LRCH1: variants seen among roughly 807,000 people sequenced by gnomAD.
The protein encoded by LRCH1 is leucine rich repeats and calponin homology domain containing 1, also known as leucine-rich repeat and calponin homology domain-containing protein 1.
Under a neutral mutation model 94.9 loss-of-function variants are expected in LRCH1, and 23 were observed. The ratio of observed to expected loss-of-function variants is 0.24; its 90% CI spans 0.17 to 0.34. The LOEUF is 0.34. Ranked by LOEUF, LRCH1 falls within the 10% of genes least tolerant of loss-of-function variation. The pLI is 1.00. For missense variants in LRCH1, 790 were observed against 945.9 expected (o/e 0.84, Z 2.16); for synonymous variants, 364 against 354.9 (o/e 1.03, Z -0.29).
intron 1 of LRCH1, among the ~76,000 whole-genome samples, chr13:46,595,248 G>C (rs960299492): frequency 3.3e-5 from 5 of 152,062 alleles, no homozygotes; most frequent in African/African-American, 1.2e-4. Context: ...TGAACTTAGA[G>C]GATGCATAGG....
At chr13:46,580,683 GATTA>G (rs2050355130) in intron 1 of LRCH1, among the ~76,000 whole-genome samples, 1 of 152,174 alleles carries the variant, frequency 6.6e-6, no homozygotes, top group Admixed American at 6.5e-5. Flanking sequence ...TTGTTCTGTA[GATTA>G]ATTAGCAAAG....
At chr13:46,637,807 AG>A (rs2051110825) in intron 1 of LRCH1, among the ~76,000 whole-genome samples, 1 of 151,894 alleles carries the variant, frequency 6.6e-6, no homozygotes, top group Admixed American at 6.6e-5. Context: ...ACCCCACTGG[AG>A]GGTGAGTTCT....
At chr13:46,720,351 C>T (rs1052632677) in intron 16 of LRCH1, among the ~76,000 whole-genome samples, 2 of 152,210 alleles carry the variant, frequency 1.3e-5, no homozygotes, top group East Asian at 3.9e-4. Flanking sequence ...CGCACCATTG[C>T]ACTCCAGCCT....
intron 2 of LRCH1, among the ~76,000 whole-genome samples, chr13:46,657,708 T>TTTTTTTTG (rs2051394355): frequency 1.5e-5 from 2 of 136,788 alleles, no homozygotes; most frequent in Non-Finnish European, 3.1e-5. Flanking sequence ...TTTTTTTTTT[T>TTTTTTTTG]GGTAGAGATG....
chr13:46,648,745 T>C (rs1414482654), intron 1 of LRCH1, among the ~76,000 whole-genome samples: 2 of 152,210 alleles, frequency 1.3e-5, no homozygotes, highest in Non-Finnish European at 2.9e-5. Context: ...TTTTGCATAT[T>C]CCTTAAGATT....
At chr13:46,593,266 TTTTC>T (rs1353980602) in intron 1 of LRCH1, among the ~76,000 whole-genome samples, 3 of 146,540 alleles carry the variant, frequency 2.0e-5, no homozygotes, top group Non-Finnish European at 4.5e-5. Flanking sequence ...TTAAGAGGTT[TTTTC>T]TTTCTTTCTT....
At chr13:46,558,815 C>T (rs981914857) in intron 1 of LRCH1, among the ~76,000 whole-genome samples, 3 of 152,124 alleles carry the variant, frequency 2.0e-5, no homozygotes, top group Non-Finnish European at 4.4e-5. Flanking sequence ...GCCTGTCTTT[C>T]TGGTCATATT....
chr13:46,587,182 T>G (rs1369764379), intron 1 of LRCH1, among the ~76,000 whole-genome samples: 6 of 152,262 alleles, frequency 3.9e-5, no homozygotes, highest in Non-Finnish European at 7.3e-5. Context: ...GTGAAATCTC[T>G]TATTTCCATT....
intron 1 of LRCH1, among the ~76,000 whole-genome samples, chr13:46,631,807 C>G (rs1032077313): frequency 1.3e-5 from 2 of 152,118 alleles, no homozygotes; most frequent in Non-Finnish European, 2.9e-5. Flanking sequence ...AAGTTTTCCA[C>G]TTTTTAGCTG....
At chr13:46,706,015 G>A (rs1409305412) in intron 13 of LRCH1, among the ~76,000 whole-genome samples, 1 of 152,200 alleles carries the variant, frequency 6.6e-6, no homozygotes, top group Non-Finnish European at 1.5e-5. Context: ...CCAAGATTGT[G>A]TACAAACACC....
At chr13:46,565,336 C>T (rs1269891026) in intron 1 of LRCH1, among the ~76,000 whole-genome samples, 1 of 152,056 alleles carries the variant, frequency 6.6e-6, no homozygotes, top group African/African-American at 2.4e-5. Context: ...TTTCGGCAGT[C>T]TTGGGAGGAT....
intron 17 of LRCH1, among the ~76,000 whole-genome samples, chr13:46,727,431 C>T (rs187397972): frequency 1.3e-5 from 2 of 152,210 alleles, no homozygotes; most frequent in African/African-American, 4.8e-5. Flanking sequence ...TCTTGGGAGG[C>T]CCAGAAGGAA....
In LRCH1 at chr13:46,743,207, C is replaced by T; in HGVS notation, c.*1359C>T. ...TGCAAACAGCTCTCATAGATGGCTA[C>T]TACGAAGAAAATCTTATTTTTCTGA... On this transcript the variant is annotated 3_prime_UTR_variant, in exon 20 of 20. Coordinates refer to ENST00000389797, the MANE Select transcript of LRCH1 (RefSeq NM_001164211.2). 1.0e-6 allele frequency: 1 copy of T among 985,790 alleles called. No homozygotes were observed. Among genetic ancestry groups the T allele is most frequent in the Non-Finnish European group, 1.2e-6 (1 of 829,884 alleles). 61.1% of individuals were successfully genotyped at this position (985,790 alleles called of 1,614,324 possible).
At chr13:46,597,646 C>G (rs993255561) in intron 1 of LRCH1, among the ~76,000 whole-genome samples, 1 of 152,080 alleles carries the variant, frequency 6.6e-6, no homozygotes, top group South Asian at 2.1e-4. Flanking sequence ...CGTGAACCAC[C>G]GCGCCTGGCC....
intron 1 of LRCH1, among the ~76,000 whole-genome samples, chr13:46,637,628 G>T (rs1282590640): frequency 1.3e-5 from 2 of 152,076 alleles, no homozygotes; most frequent in Non-Finnish European, 2.9e-5. Flanking sequence ...CTTTCTGTCA[G>T]CTCTGCACTC....
Position 46,669,055 on chromosome 13 carries a change from G to A in LRCH1, c.478G>A (p.Ala160Thr). 1 of 1,613,788 alleles carries A rather than the reference G, an allele frequency of 6.2e-7. No individual in the cohort carries two copies. Among genetic ancestry groups the A allele is most frequent in the African/African-American group, 1.3e-5 (1 of 74,934 alleles). ...LSRNQLSALPACLCGLPLKVL... is the reference protein window; with the variant it reads ...LSRNQLSALPTCLCGLPLKVL... ...TCGAAATCAGCTGTCCGCCCTGCCT[G>A]CCTGCCTGTGTGGTCTGCCTCTCAA... The change falls in exon 3 of 20, where the codon GCC (alanine) becomes ACC (threonine). Residue 160 changes from alanine to threonine, a missense_variant. Coordinates refer to ENST00000389797, the MANE Select transcript of LRCH1 (RefSeq NM_001164211.2).
chr13:46,594,395 A>T (rs2050535712), intron 1 of LRCH1, among the ~76,000 whole-genome samples: 1 of 152,212 alleles, frequency 6.6e-6, no homozygotes, highest in Non-Finnish European at 1.5e-5. Context: ...AGTGTGGAAT[A>T]CTTGTTTTCT....
Position 46,696,480 on chromosome 13 carries a change from A to G in LRCH1, c.1245+1463A>G, listed in dbSNP as rs577539061. Among the ~76,000 whole-genome samples the G allele has an allele frequency of 5.4e-4, 82 of 152,326 alleles. 1 individual carries two copies. The East Asian group carries it at 0.011, about 20-fold the overall frequency. ...CAATATTTAAGTTCTAGAGGAAACA[A>G]AGCAGTTAGTAAGAATAAAGCGTAT... On this transcript the variant is annotated intron_variant, in intron 9 of 19. Coordinates refer to ENST00000389797, the MANE Select transcript of LRCH1 (RefSeq NM_001164211.2).
In LRCH1 at chr13:46,692,603, T is replaced by C. The variant is rs1593356485; in HGVS notation, c.1082T>C (p.Ile361Thr). ...MSNIMEEEQI[I>T]KEDSCHRLSP... ...AACATCATGGAAGAAGAACAGATCA[T>C]CAAGGAGGACTCGTGCCATCGCCTT... The change falls in exon 8 of 20, where the codon ATC becomes ACC. Residue 361 changes from isoleucine (I) to threonine (T), a missense_variant. By Grantham distance (89) the Ile-to-Thr change is moderately conservative (BLOSUM62 -1). Around this residue, in one of 3 missense-constraint regions of LRCH1, gnomAD observed 460 missense variants for 508.9 expected, o/e 0.90. Transcript: ENST00000389797. 6.2e-7 allele frequency: 1 copy of C among 1,614,082 alleles called. No individual in the cohort carries two copies. Among genetic ancestry groups the C allele is most frequent in the East Asian group, 2.2e-5 (1 of 44,882 alleles).
Sources: allele counts gnomAD v4.1 joint callset (sites outside exome capture counted in the v4.1 genomes callset), GRCh38; gene constraint gnomAD v4.1.1; regional missense constraint gnomAD v4.1.1; transcripts MANE v1.5; gene names NCBI Gene and HGNC (gene_info 2026-07-23, HGNC 2026-07-21).